SLC22A16: variants seen among roughly 807,000 people sequenced by gnomAD.
SLC22A16 encodes the protein WUGSC:RG331P03.1.
A neutral mutation model predicts 52.9 loss-of-function variants in SLC22A16; 53 were observed. The observed-to-expected ratio is 1.00, with a 90% CI of 0.80 to 1.26. The LOEUF is 1.26. SLC22A16 is among the 50% of genes most tolerant of loss of function. The pLI, the probability that SLC22A16 is intolerant of heterozygous loss-of-function variation, is 0.00. For synonymous variants in SLC22A16, 291 were observed against 268.8 expected, an observed-to-expected ratio of 1.08 and a Z score of -0.81; for missense variants, 726 against 704.0, an observed-to-expected ratio of 1.03 and a Z score of -0.35.
At chr6:110,467,424 T>C (rs1776108579) in intron 1 of SLC22A16, among the ~76,000 whole-genome samples, 1 of 152,234 alleles carries the variant, frequency 6.6e-6, no homozygotes, top group Non-Finnish European at 1.5e-5. Flanking sequence ...ATGTTTTCTA[T>C]TTCTCTACCA....
chr6:110,460,199 A>C (rs1363351023), intron 1 of SLC22A16, among the ~76,000 whole-genome samples: 1 of 152,168 alleles, frequency 6.6e-6, no homozygotes, highest in African/African-American at 2.4e-5. Context: ...TCACTGGAAG[A>C]TGCTTCTGAC....
rs1419663075 is a variant in SLC22A16 at position 110,437,906 on chromosome 6, C to T, written c.1311+814G>A. 2.0e-5 allele frequency among the ~76,000 whole-genome samples: 3 copies of T among 152,110 alleles called. No individual in the cohort carries two copies. In the South Asian group the frequency reaches 6.2e-4, roughly 32 times the overall value. On this transcript the variant is annotated intron_variant, in intron 5 of 7. Transcript: ENST00000368919. The stretch of plus-strand genomic sequence containing the variant: ...AAACAAGCTCCTTGGGGTGTTTATG[C>T]GTACCAGACATTGGAAACTACTAAT...
At chr6:110,444,546 T>C (rs1019246548) in intron 3 of SLC22A16, among the ~76,000 whole-genome samples, 3 of 152,208 alleles carry the variant, frequency 2.0e-5, no homozygotes, top group African/African-American at 7.2e-5. Context: ...AGTGTTCCCC[T>C]GTTCCCTCAC....
At position 110,442,755 on chromosome 6, in the gene SLC22A16, CACA is replaced by C; in HGVS notation, c.669_671del (p.Val225del). 6.2e-7 allele frequency: 1 copy of C among 1,613,104 alleles called. No homozygotes were observed. Among genetic ancestry groups the C allele is most frequent in the Non-Finnish European group, 8.5e-7 (1 of 1,179,622 alleles). On this transcript the variant is annotated inframe_deletion, in exon 4 of 8. Transcript: ENST00000368919. ...ATTCCATCACATAGACAAACCCCACCACAAGATAGCCACTTGCAACCTGAAAAA... is the reference window on the plus strand; with the variant it reads ...ATTCCATCACATAGACAAACCCCACCAGATAGCCACTTGCAACCTGAAAAA...
intron 1 of SLC22A16, among the ~76,000 whole-genome samples, chr6:110,464,509 C>G (rs879891417): frequency 7.2e-5 from 11 of 151,990 alleles, no homozygotes; most frequent in Non-Finnish European, 1.0e-4. Context: ...TCAGAGACTA[C>G]TATGAACATC....
rs1774183148 is a variant in SLC22A16, at chr6:110,424,821, A to G, written c.*52T>C. ...ATGAGAATAAGATTCCTCTAATACA[A>G]AGGCATTAGGGTAAATAATATTTCA... On this transcript the variant is annotated 3_prime_UTR_variant, in exon 8 of 8. Transcript: ENST00000368919. 1.3e-6 allele frequency: 2 copies of G among 1,591,790 alleles called. No homozygotes were observed. Among genetic ancestry groups the G allele is most frequent in the East Asian group, 4.5e-5 (2 of 44,736 alleles).
At chr6:110,466,288 G>A (rs1476093468) in intron 1 of SLC22A16, among the ~76,000 whole-genome samples, 1 of 152,030 alleles carries the variant, frequency 6.6e-6, no homozygotes, top group Non-Finnish European at 1.5e-5. Context: ...ATAGACAAAT[G>A]GGAATTAATT....
intron 1 of SLC22A16, among the ~76,000 whole-genome samples, chr6:110,465,069 G>T (rs183005810): frequency 1.7e-4 from 26 of 148,992 alleles, no homozygotes; most frequent in Non-Finnish European, 2.8e-4. Flanking sequence ...TGCTGAAAAA[G>T]CATTTGATAA....
chr6:110,475,765 A>G (rs1032641757), intron 1 of SLC22A16, among the ~76,000 whole-genome samples: 2 of 152,158 alleles, frequency 1.3e-5, no homozygotes, highest in African/African-American at 4.8e-5. Context: ...TCTGAGTCAG[A>G]TAGAGGAGCT....
intron 7 of SLC22A16, among the ~76,000 whole-genome samples, chr6:110,427,834 G>A (rs895794315): frequency 8.5e-5 from 13 of 152,136 alleles, no homozygotes; most frequent in African/African-American, 2.9e-4. Flanking sequence ...TACTGCTGTT[G>A]TATCTTTTAA....
chr6:110,470,032 T>C (rs13205422), intron 1 of SLC22A16, among the ~76,000 whole-genome samples: 51,331 of 151,842 alleles, frequency 0.34, 9,995 homozygotes, highest in African/African-American at 0.54. Context: ...TAGGAGATCC[T>C]AGAGGGAAAG....
Position 110,442,791 on chromosome 6 carries a change from T to G in SLC22A16, c.652-16A>C. 1.9e-6 allele frequency: 3 copies of G among 1,603,834 alleles called. No individual in the cohort carries two copies. Among genetic ancestry groups the G allele is most frequent in the Non-Finnish European group, 2.6e-6 (3 of 1,175,216 alleles). On this transcript the variant is annotated splice_polypyrimidine_tract_variant and intron_variant, in intron 3 of 7. Coordinates refer to ENST00000368919, the MANE Select transcript of SLC22A16 (RefSeq NM_033125.4). ...CACTTGCAACCTGAAAAACAAATAA[T>G]AGGGATTTATATTCAAGGTCACATT...
intron 1 of SLC22A16, among the ~76,000 whole-genome samples, chr6:110,473,715 C>T (rs1341232855): frequency 6.6e-6 from 1 of 151,028 alleles, no homozygotes; most frequent in East Asian, 1.9e-4. Context: ...TTAGTGGAGA[C>T]TTGGTTTCAC....
At position 110,424,783 on chromosome 6, in the gene SLC22A16, C is replaced by A; in HGVS notation, c.*90G>T. ...AAAATTTATTAAAAAGACATACAAA[C>A]AACATATGGGAGATGAGAATAAGAT... On this transcript the variant is annotated 3_prime_UTR_variant, in exon 8 of 8. Coordinates refer to ENST00000368919, the MANE Select transcript of SLC22A16 (RefSeq NM_033125.4). 5 of 1,378,216 alleles carry A rather than the reference C, an allele frequency of 3.6e-6. No homozygotes were observed. The South Asian group carries it at 5.9e-5, about 16-fold the overall frequency. 85.4% of individuals were successfully genotyped at this position (1,378,216 alleles called of 1,614,324 possible).
intron 2 of SLC22A16, among the ~76,000 whole-genome samples, chr6:110,451,809 T>C (rs1034376242): frequency 1.3e-5 from 2 of 152,240 alleles, no homozygotes; most frequent in Admixed American, 6.5e-5. Context: ...ATCAATGTTT[T>C]TTGTGTTTTA....
At chr6:110,446,754 A>G in intron 3 of SLC22A16, 119 bp downstream of exon 3, 1 of 824,630 alleles carries the variant, frequency 1.2e-6, no homozygotes, top group Non-Finnish European at 2.0e-6. Context: ...TCTGCAGTGG[A>G]GTGGACAAAG....
At chr6:110,454,689 ATTATATATATT>A (rs1775536090) in intron 2 of SLC22A16, among the ~76,000 whole-genome samples, 6 of 76,950 alleles carry the variant, frequency 7.8e-5, no homozygotes, top group Non-Finnish European at 1.1e-4. Context: ...TATATTTTAT[ATTATATATATT>A]TTTTGTATAT....
intron 7 of SLC22A16, among the ~76,000 whole-genome samples, chr6:110,428,221 A>G (rs965749561): frequency 5.3e-5 from 8 of 152,004 alleles, no homozygotes; most frequent in Admixed American, 2.0e-4. Context: ...TTTGACATCC[A>G]TAAACAAGTT....
At chr6:110,446,612 G>T (rs896778221) in intron 3 of SLC22A16, among the ~76,000 whole-genome samples, 1 of 152,132 alleles carries the variant, frequency 6.6e-6, no homozygotes. Flanking sequence ...AGAAAATAAT[G>T]CCTCAGTAAT....
Sources: allele counts gnomAD v4.1 joint callset (sites outside exome capture counted in the v4.1 genomes callset), GRCh38; gene constraint gnomAD v4.1.1; transcripts MANE v1.5; gene names NCBI Gene and HGNC (gene_info 2026-07-23, HGNC 2026-07-21).